ZNF503: variants seen among roughly 807,000 people sequenced by gnomAD.
The protein encoded by ZNF503 is zinc finger protein 503.
A neutral mutation model predicts 34.4 loss-of-function variants in ZNF503; 15 were observed. The ratio of observed to expected loss-of-function variants is 0.44; its 90% confidence interval spans 0.29 to 0.67. The LOEUF (loss-of-function observed/expected upper bound fraction) is 0.67. Ranked by LOEUF, ZNF503 falls within the 30% of genes least tolerant of loss-of-function variation. The probability of loss-of-function intolerance (pLI) is 0.13; values close to 1 mark genes in which losing one functional copy is unlikely to be tolerated. For synonymous variants in ZNF503, 580 were observed against 456.8 expected (o/e 1.27, Z -3.44); for missense variants, 1,007 against 926.8 (o/e 1.09, Z -1.12).
In ZNF503 at chr10:75,398,684, G is replaced by T. The variant is rs1483548544; in HGVS notation, c.*65C>A. ...TGTCAGCAGCCTGGGCCGTGATCCC[G>T]CCTCTCCCTGGACTCCTCCCCTCCC... On this transcript the variant is annotated 3_prime_UTR_variant, in exon 2 of 2. Transcript: ENST00000372524. 10 of 1,294,068 alleles carry T rather than the reference G, an allele frequency of 7.7e-6. No individual in the cohort carries two copies. Among genetic ancestry groups the T allele is most frequent in the Non-Finnish European group, 8.8e-6 (9 of 1,020,850 alleles). 80.2% of individuals were successfully genotyped at this position (1,294,068 alleles called of 1,614,324 possible). A position where few individuals can be genotyped will look rare whatever the true frequency, so the allele number is the denominator to read the frequency against.
chr10:75,303,741 G>A, the ZNF503 span, among the ~76,000 whole-genome samples: 7 of 152,198 alleles, frequency 4.6e-5, no homozygotes, highest in African/African-American at 7.2e-5. Context: ...AGAATGTTAC[G>A]GTAAGCAAGG....
At chr10:75,363,671 C>T in the ZNF503 span, among the ~76,000 whole-genome samples, 3 of 152,236 alleles carry the variant, frequency 2.0e-5, no homozygotes, top group Non-Finnish European at 4.4e-5. Context: ...CTGTGCAGTG[C>T]ACAACCTGCA....
rs375190066 is a variant in ZNF503 at position 75,400,220 on chromosome 10, G to C, written c.470C>G (p.Thr157Ser). The C allele has an allele frequency of 5.5e-5, 88 of 1,607,898 alleles. No homozygotes were observed. The highest frequency in any genetic ancestry group is 6.6e-5 in the Non-Finnish European group (78 of 1,178,108). Residue 157 changes from threonine to serine, a missense_variant, in exon 2 of 2, where the codon ACC (threonine) becomes AGC (serine). Physicochemically the swap from Thr to Ser is moderately conservative, Grantham distance 58. Transcript: ENST00000372524. ...AGGGAAGDKD[T>S]KSGPLKLSDI... ...GCTCAGCTTCAGGGGGCCCGATTTG[G>C]TGTCCTTGTCGCCCGCAGCACCGCC...
chr10:75,285,640 G>A, the ZNF503 span, among the ~76,000 whole-genome samples: 7 of 152,308 alleles, frequency 4.6e-5, no homozygotes, highest in East Asian at 3.9e-4. Flanking sequence ...GTTGAAAGCC[G>A]GACACTGACA....
downstream of ZNF503, among the ~76,000 whole-genome samples, chr10:75,396,960 G>T (rs1451048378): frequency 6.6e-6 from 1 of 152,208 alleles, no homozygotes; most frequent in Non-Finnish European, 1.5e-5. The surrounding 1 kb of genome is among the most constrained non-coding windows in gnomAD (Gnocchi z 4.4). Flanking sequence ...GCTGCGCCCG[G>T]ACCCAGACTC....
the ZNF503 span, among the ~76,000 whole-genome samples, chr10:75,346,810 T>A: frequency 6.7e-6 from 1 of 149,300 alleles, no homozygotes; most frequent in African/African-American, 2.4e-5. Flanking sequence ...AAAAAGAATT[T>A]TTTTTTTTTT....
chr10:75,355,413 G>A, the ZNF503 span, among the ~76,000 whole-genome samples: 21 of 152,158 alleles, frequency 1.4e-4, no homozygotes, highest in East Asian at 7.7e-4. Context: ...TTTAATCTGC[G>A]CAAGTGTCCT....
At chr10:75,315,943 C>A in the ZNF503 span, among the ~76,000 whole-genome samples, 88 of 152,126 alleles carry the variant, frequency 5.8e-4, no homozygotes, top group African/African-American at 2.0e-3. Flanking sequence ...AGACATAAAT[C>A]GACTTTACAT....
chr10:75,342,516 A>C, the ZNF503 span, among the ~76,000 whole-genome samples: 1 of 152,120 alleles, frequency 6.6e-6, no homozygotes, highest in Non-Finnish European at 1.5e-5. Context: ...GTTATTTCAA[A>C]TTGTTAACCA....
chr10:75,286,340 A>T, the ZNF503 span, among the ~76,000 whole-genome samples: 5 of 151,304 alleles, frequency 3.3e-5, no homozygotes, highest in African/African-American at 1.2e-4. Context: ...GAATTTAATT[A>T]TGTTTTTACT....
chr10:75,332,694 C>T, the ZNF503 span, among the ~76,000 whole-genome samples: 1 of 147,970 alleles, frequency 6.8e-6, no homozygotes, highest in African/African-American at 2.5e-5. Flanking sequence ...AGCATGCTGC[C>T]TTCAAGCATC....
the ZNF503 span, among the ~76,000 whole-genome samples, chr10:75,322,578 C>A: frequency 6.6e-6 from 1 of 152,008 alleles, no homozygotes; most frequent in African/African-American, 2.4e-5. Context: ...GCTTATAATA[C>A]CAGCACTTTG....
the ZNF503 span, among the ~76,000 whole-genome samples, chr10:75,367,806 T>C: frequency 1.3e-5 from 2 of 152,176 alleles, no homozygotes; most frequent in African/African-American, 4.8e-5. Flanking sequence ...ATTCCTCACA[T>C]AAGGTGACAG....
the ZNF503 span, among the ~76,000 whole-genome samples, chr10:75,357,331 A>C: frequency 6.6e-6 from 1 of 150,724 alleles, no homozygotes; most frequent in East Asian, 1.9e-4. Flanking sequence ...TAGTTTAGGA[A>C]ACATAGTGAG....
chr10:75,399,854 A>T lies in ZNF503; in HGVS notation c.836T>A (p.Leu279Gln), dbSNP rs561645133. The T allele has an allele frequency of 2.3e-5, 37 of 1,603,510 alleles. No individual in the cohort carries two copies. The African/African-American group carries it at 5.0e-4, about 21-fold the overall frequency. ...GCCGCAGCTAATCCGGCCGTGTGCC[A>T]GCCCCGTGGGTCCCCCTTCGGCCGA... ...GASAEGGPTG[L>Q]AHGRISCGGG... is the part of the protein sequence containing the mutation. The change falls in exon 2 of 2, where the codon CTG (leucine) becomes CAG (glutamine). Residue 279 changes from leucine (L) to glutamine (Q), a missense_variant. Coordinates refer to ENST00000372524, the MANE Select transcript of ZNF503 (RefSeq NM_032772.6).
chr10:75,287,118 C>T, the ZNF503 span, among the ~76,000 whole-genome samples: 1 of 152,058 alleles, frequency 6.6e-6, no homozygotes, highest in Non-Finnish European at 1.5e-5. Context: ...TGTCTCTGTC[C>T]CCGTGGGGTC....
the ZNF503 span, among the ~76,000 whole-genome samples, chr10:75,287,543 G>C: frequency 1.3e-5 from 2 of 151,876 alleles, no homozygotes; most frequent in Non-Finnish European, 2.9e-5. Context: ...TCCCATTCCT[G>C]TTACCTACCC....
the ZNF503 span, chr10:75,283,918 G>A: frequency 6.6e-6 from 1 of 152,152 alleles, no homozygotes; most frequent in Non-Finnish European, 1.5e-5. Context: ...TTTGGCAGGA[G>A]ACAGGGCCTG....
At chr10:75,400,617 C>T (rs1049549804) in intron 1 of ZNF503, among the ~76,000 whole-genome samples, 7 of 152,146 alleles carry the variant, frequency 4.6e-5, no homozygotes, top group African/African-American at 1.7e-4. Flanking sequence ...TCTTTCCTGC[C>T]CTCTCTGAGC....
Sources: allele counts gnomAD v4.1 joint callset (sites outside exome capture counted in the v4.1 genomes callset), GRCh38; gene constraint gnomAD v4.1.1; non-coding constraint Gnocchi (gnomAD v3.1); transcripts MANE v1.5; gene names NCBI Gene and HGNC (gene_info 2026-07-23, HGNC 2026-07-21).